The following TMEM232 variants were observed in gnomAD, a reference collection of about 807,000 sequenced individuals.
TMEM232 encodes transmembrane protein 232.
TMEM232 carries 80 observed loss-of-function variants against 78.8 expected under a neutral mutation model. The ratio of observed to expected loss-of-function variants is 1.01; its 90% CI spans 0.85 to 1.22. TMEM232 has a LOEUF of 1.22. Among genes scored for constraint, TMEM232 ranks in the 50% most tolerant of loss-of-function variants. The pLI is 0.00. For missense variants in TMEM232, 881 were observed against 742.2 expected, an observed-to-expected ratio of 1.19 and a Z score of -2.17; for synonymous variants, 297 against 254.3, an observed-to-expected ratio of 1.17 and a Z score of -1.60.
At chr5:110,626,648 T>C (rs1182816597) in intron 6 of TMEM232, among the ~76,000 whole-genome samples, 1 of 152,094 alleles carries the variant, frequency 6.6e-6, no homozygotes, top group African/African-American at 2.4e-5. Context: ...AAGCTTTTTT[T>C]GAAATAGTTC....
At chr5:110,406,412 G>A (rs1394837037) in intron 2 of TMEM232, among the ~76,000 whole-genome samples, 1 of 151,870 alleles carries the variant, frequency 6.6e-6, no homozygotes, top group Non-Finnish European at 1.5e-5. Context: ...AAAGATTAGA[G>A]TCCAGATATA....
chr5:110,690,343 C>G (rs1793961407), intron 1 of TMEM232, among the ~76,000 whole-genome samples: 1 of 152,070 alleles, frequency 6.6e-6, no homozygotes, highest in South Asian at 2.1e-4. Flanking sequence ...CAAAAGAAGA[C>G]ATATATGTGG....
chr5:110,610,144 T>C (rs920217704), intron 8 of TMEM232, among the ~76,000 whole-genome samples: 7 of 148,682 alleles, frequency 4.7e-5, no homozygotes, highest in Non-Finnish European at 8.9e-5. Flanking sequence ...CTTTCATAAT[T>C]TAGAGGAAAA....
intron 10 of TMEM232, among the ~76,000 whole-genome samples, chr5:110,586,150 T>C (rs115035325): frequency 0.017 from 2,578 of 152,242 alleles, 34 homozygotes; most frequent in Middle Eastern, 0.041. Context: ...ATGTCAATAG[T>C]AACAAGTGGT....
chr5:110,444,195 A>C (rs1759384058), intron 12 of TMEM232, among the ~76,000 whole-genome samples: 1 of 152,066 alleles, frequency 6.6e-6, no homozygotes, highest in Admixed American at 6.6e-5. Flanking sequence ...ACTGCCTTTC[A>C]AGTTTACCTC....
chr5:110,699,030 G>C (rs1795135682), intron 1 of TMEM232, among the ~76,000 whole-genome samples: 2 of 151,810 alleles, frequency 1.3e-5, no homozygotes, highest in South Asian at 4.1e-4. Flanking sequence ...GTCCCATAGG[G>C]TTCCCCCAGA....
intron 3 of TMEM232, 109 bp from the exon 4 acceptor site, chr5:110,641,105 C>T: frequency 1.6e-6 from 1 of 642,534 alleles, no homozygotes; most frequent in South Asian, 3.5e-5. Flanking sequence ...GAAGCTAATG[C>T]TTGGTGGCCA....
intron 1 of TMEM232, among the ~76,000 whole-genome samples, chr5:110,678,087 C>CAT (rs962749824): frequency 6.6e-5 from 10 of 152,072 alleles, no homozygotes; most frequent in African/African-American, 1.4e-4. Context: ...TGTTTAGAGA[C>CAT]AGAGTCTCAC....
intron 2 of TMEM232, among the ~76,000 whole-genome samples, chr5:110,647,562 T>C (rs1362629123): frequency 1.3e-5 from 2 of 152,002 alleles, no homozygotes; most frequent in Non-Finnish European, 2.9e-5. Context: ...TAAATCTCCT[T>C]TTAAAAATGT....
At chr5:110,476,208 ACT>A (rs1763235497) in intron 12 of TMEM232, among the ~76,000 whole-genome samples, 1 of 151,774 alleles carries the variant, frequency 6.6e-6, no homozygotes. Context: ...TTATGCTGTG[ACT>A]CTACCTGGAG....
Position 110,651,497 on chromosome 5 carries a change from T to C in TMEM232, c.126-9126A>G, listed in dbSNP as rs183235745. ...GAAGGAGGGAGGGAGGGAAAGAACA[T>C]AAAGGAAAGAGGTTAAGAGATCAAG... On this transcript the variant is annotated intron_variant, in intron 2 of 13. Coordinates refer to ENST00000455884, the MANE Select transcript of TMEM232 (RefSeq NM_001039763.4). Among the ~76,000 whole-genome samples, 10 of 150,036 alleles carry C rather than the reference T, an allele frequency of 6.7e-5. 1 individual carries two copies. The highest frequency in any genetic ancestry group is 4.6e-4 in the Admixed American group (7 of 15,078).
chr5:110,700,766 G>A (rs1178805307), intron 1 of TMEM232, among the ~76,000 whole-genome samples: 2 of 126,074 alleles, frequency 1.6e-5, no homozygotes, highest in Non-Finnish European at 3.5e-5. Flanking sequence ...AGGTAGGTAG[G>A]TAGGTAGATA....
At chr5:110,533,184 T>G (rs533748230) in intron 11 of TMEM232, among the ~76,000 whole-genome samples, 81 of 152,272 alleles carry the variant, frequency 5.3e-4, no homozygotes, top group African/African-American at 1.9e-3. Flanking sequence ...CCCAGCAGAT[T>G]ACCTAGGCTG....
intron 11 of TMEM232, among the ~76,000 whole-genome samples, chr5:110,548,650 CAT>C (rs1363639626): frequency 6.6e-6 from 1 of 151,634 alleles, no homozygotes; most frequent in African/African-American, 2.4e-5. Context: ...AATAACAAAA[CAT>C]AGAAATATAT....
chr5:110,600,095 A>G (rs1179181347), intron 10 of TMEM232, among the ~76,000 whole-genome samples: 3 of 152,308 alleles, frequency 2.0e-5, no homozygotes, highest in South Asian at 2.1e-4. Context: ...GCAGAAACAA[A>G]TAAGTTCTTT....
At chr5:110,569,539 G>T (rs146781678) in intron 10 of TMEM232, among the ~76,000 whole-genome samples, 1 of 151,796 alleles carries the variant, frequency 6.6e-6, no homozygotes, top group South Asian at 2.1e-4. Flanking sequence ...CAGAAAGGGA[G>T]CTGGAAGAGT....
chr5:110,729,292 A>G (rs540466329), upstream of TMEM232, among the ~76,000 whole-genome samples: 88 of 152,194 alleles, frequency 5.8e-4, no homozygotes, highest in Non-Finnish European at 1.2e-3. Flanking sequence ...AACCTCATGC[A>G]TGCTCTTCCT....
chr5:110,626,680 A>T (rs528908027), intron 6 of TMEM232, among the ~76,000 whole-genome samples: 1 of 152,130 alleles, frequency 6.6e-6, no homozygotes, highest in African/African-American at 2.4e-5. Context: ...CTTATGCTTA[A>T]ATTTTCCCTC....
intron 11 of TMEM232, among the ~76,000 whole-genome samples, chr5:110,562,484 C>A (rs1174288378): frequency 1.3e-5 from 2 of 152,086 alleles, no homozygotes; most frequent in Admixed American, 6.6e-5. Context: ...TTGAAGAGAA[C>A]AATAATACAT....
Sources: allele counts gnomAD v4.1 joint callset (sites outside exome capture counted in the v4.1 genomes callset), GRCh38; gene constraint gnomAD v4.1.1; transcripts MANE v1.5; gene names NCBI Gene and HGNC (gene_info 2026-07-23, HGNC 2026-07-21).